Variants in ZSCAN21 observed in about 807,000 individuals in gnomAD.
ZSCAN21 encodes the protein zinc finger and SCAN domain-containing protein 21.
In ZSCAN21, 26 loss-of-function variants were observed where a neutral mutation model predicts 35.6. The observed-to-expected ratio is 0.73, with a 90% CI of 0.54 to 1.01. The LOEUF is 1.01. Among genes scored for constraint, ZSCAN21 ranks in the 50% least tolerant of loss-of-function variants. The pLI is 0.00. For missense variants in ZSCAN21, 593 were observed against 587.1 expected (o/e 1.01, Z -0.10); for synonymous variants, 219 against 219.3 (o/e 1.00, Z 0.01).
intron 3 of ZSCAN21, among the ~76,000 whole-genome samples, chr7:100,063,200 C>T (rs987109312): frequency 2.6e-5 from 4 of 152,234 alleles, no homozygotes; most frequent in Non-Finnish European, 4.4e-5. Flanking sequence ...GGCTACCACT[C>T]TCATATGCTG....
intron 3 of ZSCAN21, among the ~76,000 whole-genome samples, chr7:100,061,261 C>A (rs748495117): frequency 2.0e-4 from 30 of 152,216 alleles, no homozygotes; most frequent in Non-Finnish European, 4.0e-4. Flanking sequence ...GTGGCTCACA[C>A]CTGTAATCCC....
chr7:100,062,730 C>G (rs1332252131), intron 3 of ZSCAN21, among the ~76,000 whole-genome samples: 1 of 151,982 alleles, frequency 6.6e-6, no homozygotes, highest in Non-Finnish European at 1.5e-5. Flanking sequence ...CAAAAATTAG[C>G]TGGGCGTGGT....
At chr7:100,050,556 G>C (rs1310508403) in intron 1 of ZSCAN21, among the ~76,000 whole-genome samples, 2 of 152,014 alleles carry the variant, frequency 1.3e-5, no homozygotes, top group Non-Finnish European at 2.9e-5. Context: ...AAATTAGCTG[G>C]GTGTGGTGGA....
rs1246315208 is a variant in ZSCAN21, at chr7:100,057,217, T to C, written c.211T>C (p.Cys71Arg). ...CCTGAGCCAACTCCGGGTGCTCTGC[T>C]GTGAGTGGCTGAGGCCCGAGATCCA... ...EALSQLRVLC[C>R]EWLRPEIHTK... The change falls in exon 2 of 4, where the codon TGT becomes CGT. Residue 71 changes from cysteine (C) to arginine (R), a missense_variant. Physicochemically the swap from Cys to Arg is radical, Grantham distance 180 (BLOSUM62 -3). Coordinates refer to ENST00000292450, the MANE Select transcript of ZSCAN21 (RefSeq NM_145914.3). 16 of 1,491,276 alleles carry C rather than the reference T, an allele frequency of 1.1e-5. No homozygotes were observed. Among genetic ancestry groups the C allele is most frequent in the African/African-American group, 2.0e-5 (1 of 51,034 alleles). 92.4% of individuals were successfully genotyped at this position (1,491,276 alleles called of 1,614,324 possible). A position where few individuals can be genotyped will look rare whatever the true frequency, so the allele number is the denominator to read the frequency against.
In ZSCAN21 at chr7:100,053,546, A is replaced by ATACATAT. The variant is rs755978112; in HGVS notation, c.-96-3364_-96-3363insACATATT. 1.2e-3 allele frequency among the ~76,000 whole-genome samples: 94 copies of ATACATAT among 79,506 alleles called. 1 individual carries two copies. Among genetic ancestry groups the ATACATAT allele is most frequent in the Non-Finnish European group, 1.8e-3 (71 of 38,908 alleles). The allele number at this position is 79,506 out of a possible 152,430, so 52.2% of individuals were successfully genotyped here. ...ACATACATACATACATACATACATA[A>ATACATAT]TTTTTTTTTTTTTTTTTTTTTTGCA... On this transcript the variant is annotated intron_variant, in intron 1 of 3. Transcript: ENST00000292450.
At position 100,063,999 on chromosome 7, in the gene ZSCAN21, T is replaced by C; in HGVS notation, c.804T>C (p.Thr268=). The change falls in exon 4 of 4, where the codon ACT becomes ACC. Residue 268 remains threonine, a synonymous_variant. Transcript: ENST00000292450. ...GSKKGRESVP[T]KPTPGERRYI... is the part of the protein sequence containing the mutation. The stretch of plus-strand genomic sequence containing the variant: ...AGAAAGGTAGAGAATCAGTTCCTAC[T>C]AAACCTACCCCAGGAGAGAGACGTT... 6.2e-7 allele frequency: 1 copy of C among 1,614,172 alleles called. No homozygotes were observed. Among genetic ancestry groups the C allele is most frequent in the Non-Finnish European group, 8.5e-7 (1 of 1,180,018 alleles).
At chr7:100,053,545 A>ACATACATACATACATACATAC (rs1554357976) in intron 1 of ZSCAN21, among the ~76,000 whole-genome samples, 1 of 130,380 alleles carries the variant, frequency 7.7e-6, no homozygotes, top group Non-Finnish European at 1.6e-5. Flanking sequence ...ATACATACAT[A>ACATACATACATACATACATAC]ATTTTTTTTT....
chr7:100,054,875 T>TA (rs2116082396), intron 1 of ZSCAN21, among the ~76,000 whole-genome samples: 1 of 150,286 alleles, frequency 6.7e-6, no homozygotes, highest in East Asian at 2.0e-4. Flanking sequence ...ATCAAAGCCT[T>TA]AATTTCATAA....
In ZSCAN21 at chr7:100,065,017, G is replaced by C; in HGVS notation, c.*400G>C. 7.0e-7 allele frequency: 1 copy of C among 1,429,634 alleles called. No individual in the cohort carries two copies. Among genetic ancestry groups the C allele is most frequent in the Non-Finnish European group, 9.6e-7 (1 of 1,043,582 alleles). 88.6% of individuals were successfully genotyped at this position (1,429,634 alleles called of 1,614,324 possible). A position where few individuals can be genotyped will look rare whatever the true frequency, so the allele number is the denominator to read the frequency against. On this transcript the variant is annotated 3_prime_UTR_variant, in exon 4 of 4. Coordinates refer to ENST00000292450, the MANE Select transcript of ZSCAN21 (RefSeq NM_145914.3). The stretch of plus-strand genomic sequence containing the variant: ...ATTGAACACAATTGAATGAGATTCA[G>C]AATAAACTTATAACATCTTGTAATG...
intron 1 of ZSCAN21, among the ~76,000 whole-genome samples, chr7:100,052,135 T>A (rs1791903034): frequency 6.6e-6 from 1 of 152,176 alleles, no homozygotes; most frequent in South Asian, 2.1e-4. Flanking sequence ...TGCACACCTG[T>A]AGTCCTGGCT....
At position 100,057,090 on chromosome 7, in the gene ZSCAN21, CGAG is replaced by C. The variant is rs770822412; in HGVS notation, c.88_90del (p.Glu30del). The C allele has an allele frequency of 1.5e-5, 24 of 1,613,880 alleles. No individual in the cohort carries two copies. Among genetic ancestry groups the C allele is most frequent in the Middle Eastern group, 3.3e-4 (2 of 6,070 alleles). On this transcript the variant is annotated inframe_deletion, in exon 2 of 4. Transcript: ENST00000292450. ...AGGTGGGGCCTCTGATGGTAAAAGTCGAGGAGAAAGAAGAGAAAGGCAAGTACC... is the reference window on the plus strand; with the variant it reads ...AGGTGGGGCCTCTGATGGTAAAAGTCGAGAAAGAAGAGAAAGGCAAGTACC...
intron 1 of ZSCAN21, among the ~76,000 whole-genome samples, chr7:100,052,064 C>A (rs1009909286): frequency 6.6e-6 from 1 of 151,684 alleles, no homozygotes; most frequent in Non-Finnish European, 1.5e-5. Flanking sequence ...AGCAAGACTT[C>A]GTTTCTACAA....
chr7:100,058,004 T>C, intron 3 of ZSCAN21, 114 bp downstream of exon 3: 1 of 994,234 alleles, frequency 1.0e-6, no homozygotes, highest in Non-Finnish European at 1.4e-6. Flanking sequence ...CTTGATTAGT[T>C]GGGCTGACTG....
At chr7:100,059,327 A>G (rs1792195853) in intron 3 of ZSCAN21, among the ~76,000 whole-genome samples, 1 of 152,250 alleles carries the variant, frequency 6.6e-6, no homozygotes, top group Non-Finnish European at 1.5e-5. Context: ...CAGAGTTGCC[A>G]CAGTAATTAG....
intron 1 of ZSCAN21, among the ~76,000 whole-genome samples, chr7:100,055,479 C>T (rs200305936): frequency 6.6e-6 from 1 of 152,074 alleles, no homozygotes; most frequent in Non-Finnish European, 1.5e-5. Flanking sequence ...GTTGGCCAGG[C>T]TGGTCTCAAG....
In ZSCAN21 at chr7:100,052,371, G is replaced by A. The variant is rs779727250; in HGVS notation, c.-97+2530G>A. Among the ~76,000 whole-genome samples, 110 of 151,998 alleles carry A rather than the reference G, an allele frequency of 7.2e-4. 1 individual carries two copies. Among genetic ancestry groups the A allele is most frequent in the Admixed American group, 2.6e-4 (4 of 15,226 alleles). ...TTGAGACTAGGAGTTCAAGACTTCC[G>A]TGAGCTGTGATTGTGCCACTGCACT... On this transcript the variant is annotated intron_variant, in intron 1 of 3. Transcript: ENST00000292450.
chr7:100,052,630 G>T (rs1417372297), intron 1 of ZSCAN21, among the ~76,000 whole-genome samples: 1 of 152,002 alleles, frequency 6.6e-6, no homozygotes, highest in Non-Finnish European at 1.5e-5. Context: ...TGGCAAGTGG[G>T]TAGTTGGTCG....
intron 3 of ZSCAN21, 67 bp downstream of exon 3, chr7:100,057,957 T>C (rs1792143583): frequency 5.9e-6 from 8 of 1,349,512 alleles, no homozygotes; most frequent in Non-Finnish European, 7.9e-6. Context: ...GCAGAATAAT[T>C]AGTAATTCTT....
In ZSCAN21 at chr7:100,063,939, A is replaced by G. The variant is rs202109571; in HGVS notation, c.744A>G (p.Lys248=). 10 of 1,614,076 alleles carry G rather than the reference A, an allele frequency of 6.2e-6. No individual in the cohort carries two copies. The highest frequency in any genetic ancestry group is 8.5e-6 in the Non-Finnish European group (10 of 1,180,048). The change falls in exon 4 of 4, where the codon AAA becomes AAG. Residue 248 remains lysine, a synonymous_variant. Coordinates refer to ENST00000292450, the MANE Select transcript of ZSCAN21 (RefSeq NM_145914.3). ...AGTGCGTAAACCTTGAAAATGAAAA[A>G]GGAACAAAACCCCCTCTTCAAGAGG... ...ERQCVNLENE[K]GTKPPLQEAG...
Sources: gnomAD v4.1 joint callset for allele counts (sites outside exome capture counted in the v4.1 genomes callset) on GRCh38, gnomAD v4.1.1 for gene constraint, MANE v1.5 for transcripts, NCBI Gene and HGNC (gene_info 2026-07-23, HGNC 2026-07-21) for gene names.